Variants in CFAP299 observed in about 807,000 individuals in gnomAD.
The protein encoded by CFAP299 is cilia- and flagella-associated protein 299.
Under a neutral mutation model 27.0 loss-of-function variants are expected in CFAP299, and 21 were observed. That is an observed-to-expected ratio of 0.78 (90% CI 0.55 to 1.12). The LOEUF is 1.12. Ranked by LOEUF, CFAP299 falls within the 50% of genes most tolerant of loss-of-function variation. The pLI is 0.00. For missense variants in CFAP299, 310 were observed against 276.6 expected, an observed-to-expected ratio of 1.12 and a Z score of -0.86; for synonymous variants, 104 against 98.1, an observed-to-expected ratio of 1.06 and a Z score of -0.36.
chr4:80,439,737 G>A (rs1156318671), intron 2 of CFAP299, among the ~76,000 whole-genome samples: 1 of 152,156 alleles, frequency 6.6e-6, no homozygotes, highest in East Asian at 1.9e-4. Flanking sequence ...AGGGAGCCAA[G>A]TGGTCTTGTT....
At chr4:80,800,762 T>TATACATATATA (rs1560419800) in intron 3 of CFAP299, among the ~76,000 whole-genome samples, 6 of 130,788 alleles carry the variant, frequency 4.6e-5, no homozygotes, top group African/African-American at 1.8e-4. Context: ...TGTGTGTGTG[T>TATACATATATA]GTGTGTATAT....
At chr4:80,442,295 C>T (rs1467058114) in intron 2 of CFAP299, among the ~76,000 whole-genome samples, 1 of 152,138 alleles carries the variant, frequency 6.6e-6, no homozygotes, top group Non-Finnish European at 1.5e-5. Context: ...AAATTGACCA[C>T]ATAATTAGAA....
intron 2 of CFAP299, among the ~76,000 whole-genome samples, chr4:80,452,294 G>A (rs1414947648): frequency 1.3e-5 from 2 of 152,018 alleles, no homozygotes; most frequent in African/African-American, 4.8e-5. Flanking sequence ...CGACCAACAG[G>A]CCTTCAGGTA....
chr4:80,684,916 C>T (rs1209601878), intron 3 of CFAP299, among the ~76,000 whole-genome samples: 1 of 151,532 alleles, frequency 6.6e-6, no homozygotes, highest in African/African-American at 2.4e-5. Context: ...ATGTTTGTCC[C>T]CAATTTAAAG....
intron 2 of CFAP299, among the ~76,000 whole-genome samples, chr4:80,581,298 C>T (rs1251054127): frequency 1.3e-5 from 2 of 151,124 alleles, no homozygotes; most frequent in Non-Finnish European, 3.0e-5. Context: ...GTACATAGTA[C>T]ATATCGTAAC....
chr4:80,779,156 C>T (rs1726728791), intron 3 of CFAP299, among the ~76,000 whole-genome samples: 2 of 152,044 alleles, frequency 1.3e-5, no homozygotes, highest in South Asian at 4.1e-4. Context: ...TATCACGTAG[C>T]AAACTATGGG....
At chr4:80,731,520 G>T (rs1042046106) in intron 3 of CFAP299, among the ~76,000 whole-genome samples, 6 of 152,196 alleles carry the variant, frequency 3.9e-5, no homozygotes, top group Non-Finnish European at 7.3e-5. Flanking sequence ...GGGTGCAGGT[G>T]CAGTTGTTTC....
At chr4:80,891,003 T>G (rs1414222516) in intron 4 of CFAP299, among the ~76,000 whole-genome samples, 3 of 152,104 alleles carry the variant, frequency 2.0e-5, no homozygotes, top group Non-Finnish European at 4.4e-5. Context: ...CTCTCCATTT[T>G]GTAGGTTGCC....
At chr4:80,330,752 T>C (rs986436288), upstream of CFAP299, among the ~76,000 whole-genome samples, 3 of 152,328 alleles carry the variant, frequency 2.0e-5, no homozygotes, top group East Asian at 5.8e-4. Context: ...AAAATGTAGG[T>C]GCTAAAATTT....
chr4:80,614,052 T>C (rs547776537), intron 3 of CFAP299, among the ~76,000 whole-genome samples: 63 of 152,192 alleles, frequency 4.1e-4, no homozygotes, highest in Non-Finnish European at 7.9e-4. Flanking sequence ...TTTGGAACTG[T>C]AGTTTGTGAG....
At chr4:80,417,253 C>T (rs540961486) in intron 2 of CFAP299, among the ~76,000 whole-genome samples, 41 of 152,296 alleles carry the variant, frequency 2.7e-4, no homozygotes, top group African/African-American at 9.6e-4. Context: ...CCAGAGGTTA[C>T]TCTTATCACC....
intron 3 of CFAP299, among the ~76,000 whole-genome samples, chr4:80,794,491 G>A (rs1727742953): frequency 6.6e-6 from 1 of 152,110 alleles, no homozygotes; most frequent in Non-Finnish European, 1.5e-5. Flanking sequence ...CCCCAGCCCT[G>A]CAAAGCACTG....
intron 3 of CFAP299, among the ~76,000 whole-genome samples, chr4:80,688,953 A>G (rs1217788876): frequency 6.6e-6 from 1 of 152,156 alleles, no homozygotes; most frequent in Non-Finnish European, 1.5e-5. Flanking sequence ...GCGATGGAAG[A>G]TGAAATGAAT....
chr4:80,566,660 G>A (rs1006090003), intron 2 of CFAP299, among the ~76,000 whole-genome samples: 2 of 152,080 alleles, frequency 1.3e-5, no homozygotes, highest in Non-Finnish European at 2.9e-5. Flanking sequence ...GGGACCTGGA[G>A]GCAGGTGTAC....
intron 2 of CFAP299, among the ~76,000 whole-genome samples, chr4:80,499,975 T>TTG (rs1731661766): frequency 6.6e-6 from 1 of 152,100 alleles, no homozygotes; most frequent in Admixed American, 6.5e-5. Context: ...TTCATTTTTT[T>TTG]TTTGTTTGTT....
At chr4:80,454,152 T>C (rs1729034032) in intron 2 of CFAP299, among the ~76,000 whole-genome samples, 1 of 151,948 alleles carries the variant, frequency 6.6e-6, no homozygotes. Flanking sequence ...GAGAGAGGTA[T>C]TGGAAGGTGC....
At chr4:80,416,729 A>G (rs1474925503) in intron 2 of CFAP299, among the ~76,000 whole-genome samples, 4 of 152,216 alleles carry the variant, frequency 2.6e-5, no homozygotes, top group African/African-American at 9.7e-5. Flanking sequence ...ATTTATAATA[A>G]TCTCCCTGCA....
rs1415324361 is a variant in CFAP299, at chr4:80,891,796, A to AT, written c.476+21661_476+21662insT. 9.6e-4 allele frequency among the ~76,000 whole-genome samples: 137 copies of AT among 143,064 alleles called. 1 individual carries two copies. The highest frequency in any genetic ancestry group is 3.5e-3 in the African/African-American group (133 of 38,418). The allele number at this position is 143,064 out of a possible 152,430, so 93.9% of individuals were successfully genotyped here. ...AAAAAATTAAAAAAAAAATAAAAAA[A>AT]AAAATAAAAGCTTTGAGAAGCCCTA... On this transcript the variant is annotated intron_variant, in intron 4 of 5. Coordinates refer to ENST00000358105, the MANE Select transcript of CFAP299 (RefSeq NM_152770.3).
intron 3 of CFAP299, among the ~76,000 whole-genome samples, chr4:80,605,637 T>C (rs1036423848): frequency 3.3e-5 from 5 of 152,216 alleles, no homozygotes; most frequent in African/African-American, 1.2e-4. Context: ...AAAGAAGGCA[T>C]GCACTTGTTT....
Sources: gnomAD v4.1 joint callset for allele counts (sites outside exome capture counted in the v4.1 genomes callset) on GRCh38, gnomAD v4.1.1 for gene constraint, MANE v1.5 for transcripts, NCBI Gene and HGNC (gene_info 2026-07-23, HGNC 2026-07-21) for gene names.